FGGY: variants seen among roughly 807,000 people sequenced by gnomAD.
FGGY encodes the protein FGGY carbohydrate kinase domain-containing protein.
A neutral mutation model predicts 71.3 loss-of-function variants in FGGY; 72 were observed. The observed-to-expected ratio is 1.01, with a 90% CI of 0.84 to 1.23. The LOEUF is 1.23. Ranked by LOEUF, FGGY falls within the 50% of genes most tolerant of loss-of-function variation. FGGY has a pLI of 0.00. For synonymous variants in FGGY, 251 were observed against 250.3 expected, an observed-to-expected ratio of 1.00 and a Z score of -0.02; for missense variants, 668 against 682.3, an observed-to-expected ratio of 0.98 and a Z score of 0.23.
chr1:59,652,857 T>C (rs944805111), intron 11 of FGGY, among the ~76,000 whole-genome samples: 3 of 152,238 alleles, frequency 2.0e-5, no homozygotes, highest in Admixed American at 6.5e-5. Flanking sequence ...AGTTTTTCTG[T>C]TCTGTTTTTT....
At chr1:59,630,188 C>A (rs2096895689) in intron 10 of FGGY, among the ~76,000 whole-genome samples, 1 of 152,114 alleles carries the variant, frequency 6.6e-6, no homozygotes, top group Non-Finnish European at 1.5e-5. Context: ...AGGGTAACCA[C>A]ACCCATAATT....
chr1:59,326,189 G>A (rs1156975035), intron 2 of FGGY, among the ~76,000 whole-genome samples: 1 of 152,208 alleles, frequency 6.6e-6, no homozygotes, highest in Non-Finnish European at 1.5e-5. Context: ...TTAACTATGT[G>A]CTATGCTCTT....
chr1:59,559,187 A>G (rs903308221), intron 8 of FGGY, among the ~76,000 whole-genome samples: 3 of 152,248 alleles, frequency 2.0e-5, no homozygotes, highest in Non-Finnish European at 4.4e-5. Flanking sequence ...GACAGGCATA[A>G]GAAATTATTA....
chr1:59,747,298 C>T lies in FGGY; in HGVS notation c.1513-10633C>T, dbSNP rs553037574. On this transcript the variant is annotated intron_variant, in intron 14 of 15. Coordinates refer to ENST00000303721, the MANE Select transcript of FGGY (RefSeq NM_018291.5). Reference sequence around the variant, plus strand: ...TCCCTATTCATGTTTGGATCCAACTCTTTTGCAGCCAGGCCATATATTAGG... The same window carrying T: ...TCCCTATTCATGTTTGGATCCAACTTTTTTGCAGCCAGGCCATATATTAGG... Among the ~76,000 whole-genome samples, 10 of 152,288 alleles carry T rather than the reference C, an allele frequency of 6.6e-5. No individual in the cohort carries two copies. The South Asian group carries it at 1.9e-3, about 28-fold the overall frequency.
intron 5 of FGGY, among the ~76,000 whole-genome samples, chr1:59,431,432 G>T (rs1423360476): frequency 1.3e-5 from 2 of 152,058 alleles, no homozygotes; most frequent in Non-Finnish European, 2.9e-5. Flanking sequence ...ACTTTCTTCT[G>T]CTAGTAATGC....
chr1:59,692,439 A>T (rs72919671), intron 14 of FGGY, among the ~76,000 whole-genome samples: 1,945 of 152,328 alleles, frequency 0.013, 40 homozygotes, highest in African/African-American at 0.044. Context: ...TAACTTGTTC[A>T]TGATTGGAGA....
At chr1:59,310,177 G>C (rs1012649215) in intron 1 of FGGY, 1 of 152,202 alleles carries the variant, frequency 6.6e-6, no homozygotes, top group Non-Finnish European at 1.5e-5. Context: ...AGTCAGTAAG[G>C]TTGGTGAGTT....
At chr1:59,643,902 G>A (rs1372473841) in intron 11 of FGGY, among the ~76,000 whole-genome samples, 1 of 152,180 alleles carries the variant, frequency 6.6e-6, no homozygotes, top group Non-Finnish European at 1.5e-5. Context: ...AAGTCACAAA[G>A]CCAAGAAGTG....
intron 5 of FGGY, among the ~76,000 whole-genome samples, chr1:59,434,120 A>G (rs966337281): frequency 2.6e-5 from 4 of 152,246 alleles, no homozygotes; most frequent in Admixed American, 6.5e-5. Flanking sequence ...TAAACTCCCT[A>G]GTATGATTTA....
chr1:59,642,625 CAAA>C (rs1250512969), intron 11 of FGGY, among the ~76,000 whole-genome samples: 3 of 57,608 alleles, frequency 5.2e-5, no homozygotes, highest in Non-Finnish European at 4.5e-5. Flanking sequence ...GACTCCGTCT[CAAA>C]AAAAAAAAAA....
chr1:59,682,330 C>T (rs1233051730), intron 14 of FGGY, among the ~76,000 whole-genome samples: 1 of 151,886 alleles, frequency 6.6e-6, no homozygotes, highest in Non-Finnish European at 1.5e-5. Flanking sequence ...AAATAGATGA[C>T]AAGAATTTAA....
chr1:59,434,785 C>T (rs1225230745), intron 5 of FGGY, among the ~76,000 whole-genome samples: 1 of 144,342 alleles, frequency 6.9e-6, no homozygotes, highest in Admixed American at 6.7e-5. Context: ...CCTCCCAAAG[C>T]CCCCCCCACC....
intron 5 of FGGY, among the ~76,000 whole-genome samples, chr1:59,449,730 A>G (rs1193931597): frequency 6.6e-6 from 1 of 152,136 alleles, no homozygotes; most frequent in Non-Finnish European, 1.5e-5. Flanking sequence ...CACAAAACTA[A>G]GGCAGGATGA....
chr1:59,512,349 G>A lies in FGGY; in HGVS notation c.709G>A (p.Gly237Arg), dbSNP rs760023503. ...VLPPGASLGN[G>R]LTPEAARDLG... ...ACCTCCTGGAGCTTCTCTTGGAAAT[G>A]GGCTCACACCAGAGGCAGCAAGAGA... The change falls in exon 7 of 16, where the codon GGG (glycine) becomes AGG (arginine). Residue 237 changes from glycine to arginine, a missense_variant. Around this residue, in one of 2 missense-constraint regions of FGGY, gnomAD observed 661 missense variants for 661.6 expected, o/e 1.00. Coordinates refer to ENST00000303721, the MANE Select transcript of FGGY (RefSeq NM_018291.5). The A allele has an allele frequency of 6.2e-7, 1 of 1,613,064 alleles. No individual in the cohort carries two copies. Among genetic ancestry groups the A allele is most frequent in the South Asian group, 1.1e-5 (1 of 90,918 alleles).
chr1:59,625,458 AT>A (rs2096847120), intron 9 of FGGY, among the ~76,000 whole-genome samples: 1 of 151,918 alleles, frequency 6.6e-6, no homozygotes, highest in African/African-American at 2.4e-5. Flanking sequence ...GGGCATCTCA[AT>A]TTTTTTTAAC....
intron 6 of FGGY, among the ~76,000 whole-genome samples, chr1:59,470,441 G>A (rs1390439708): frequency 6.6e-6 from 1 of 152,090 alleles, no homozygotes; most frequent in Non-Finnish European, 1.5e-5. Context: ...AAGCCTTCAT[G>A]AACTCCACTT....
intron 5 of FGGY, among the ~76,000 whole-genome samples, chr1:59,424,483 G>T (rs1292434091): frequency 6.6e-6 from 1 of 152,146 alleles, no homozygotes; most frequent in Non-Finnish European, 1.5e-5. Context: ...AGAGGCAGAG[G>T]TTGCAGTGAG....
At chr1:59,675,443 T>C (rs2097426663) in intron 14 of FGGY, among the ~76,000 whole-genome samples, 2 of 152,218 alleles carry the variant, frequency 1.3e-5, no homozygotes, top group Non-Finnish European at 2.9e-5. Context: ...CTGTTTGTAC[T>C]GCATTTTGGA....
intron 14 of FGGY, among the ~76,000 whole-genome samples, chr1:59,679,190 A>T (rs2097468080): frequency 6.6e-6 from 1 of 152,190 alleles, no homozygotes; most frequent in Non-Finnish European, 1.5e-5. Context: ...GTTCTTTTTC[A>T]TGAAATTCAC....
Sources: gnomAD v4.1 joint callset for allele counts (sites outside exome capture counted in the v4.1 genomes callset) on GRCh38, gnomAD v4.1.1 for gene constraint, gnomAD v4.1.1 regional missense constraint, MANE v1.5 for transcripts, NCBI Gene and HGNC (gene_info 2026-07-23, HGNC 2026-07-21) for gene names.